Variants in RBMS3 observed in about 807,000 individuals in gnomAD.
The protein encoded by RBMS3 is RNA-binding motif, single-stranded-interacting protein 3.
A neutral mutation model predicts 66.8 loss-of-function variants in RBMS3; 27 were observed. The ratio of observed to expected loss-of-function variants is 0.40; its 90% CI spans 0.30 to 0.56. RBMS3 has a LOEUF of 0.56. RBMS3 is among the 20% of genes least tolerant of loss of function. The probability of loss-of-function intolerance (pLI) is 0.40; values close to 1 mark genes in which losing one functional copy is unlikely to be tolerated. For missense variants in RBMS3, 513 were observed against 549.5 expected, an observed-to-expected ratio of 0.93 and a Z score of 0.66; for synonymous variants, 188 against 183.0, an observed-to-expected ratio of 1.03 and a Z score of -0.22.
chr3:29,771,991 C>T (rs902750578), intron 6 of RBMS3, among the ~76,000 whole-genome samples: 2 of 151,960 alleles, frequency 1.3e-5, no homozygotes, highest in African/African-American at 4.8e-5. Flanking sequence ...CAAATCCAAT[C>T]CATTCCCATT....
chr3:29,864,825 AG>A (rs113476680), intron 6 of RBMS3, among the ~76,000 whole-genome samples: 25,883 of 123,272 alleles, frequency 0.21, 3,307 homozygotes, highest in African/African-American at 0.49. Flanking sequence ...GAAGGAAGGA[AG>A]GGAAGGGAAG....
In RBMS3 at chr3:29,591,044, G is replaced by A. The variant is rs543917963; in HGVS notation, c.399+3839G>A. The stretch of plus-strand genomic sequence containing the variant: ...AGCAATTTGTGCTTACAACTCAAAA[G>A]CCAAAACTGAGTCATATGATTTCCC... On this transcript the variant is annotated intron_variant, in intron 4 of 14. Transcript: ENST00000383767. 3.4e-3 allele frequency among the ~76,000 whole-genome samples: 511 copies of A among 152,252 alleles called. 2 individuals carry two copies. The highest frequency in any genetic ancestry group is 0.011 in the African/African-American group (478 of 41,566).
chr3:29,373,696 G>A (rs2038322952), intron 1 of RBMS3, among the ~76,000 whole-genome samples: 1 of 152,226 alleles, frequency 6.6e-6, no homozygotes, highest in South Asian at 2.1e-4. Context: ...CCTTTGGAAA[G>A]CATCTTGTCA....
intron 2 of RBMS3, among the ~76,000 whole-genome samples, chr3:29,451,980 G>A (rs1318255213): frequency 2.0e-5 from 3 of 151,824 alleles, no homozygotes; most frequent in Non-Finnish European, 4.4e-5. Flanking sequence ...AAGTTGCATA[G>A]TGAGTGTTAT....
At chr3:29,947,044 A>G (rs1387732193) in intron 12 of RBMS3, among the ~76,000 whole-genome samples, 2 of 151,670 alleles carry the variant, frequency 1.3e-5, no homozygotes, top group Non-Finnish European at 3.0e-5. Flanking sequence ...GGAAGAAAAA[A>G]GAAGGCAGTG....
chr3:29,699,977 C>T (rs896957290), intron 4 of RBMS3, among the ~76,000 whole-genome samples: 7 of 152,130 alleles, frequency 4.6e-5, no homozygotes, highest in African/African-American at 1.7e-4. Context: ...TCCTTTAAGA[C>T]TGAACAAAGG....
At chr3:29,734,671 C>G (rs142231871) in intron 4 of RBMS3, among the ~76,000 whole-genome samples, 102 of 152,108 alleles carry the variant, frequency 6.7e-4, no homozygotes, top group African/African-American at 2.3e-3. Context: ...CAGTTCTACT[C>G]AAAGTTTGTT....
intron 2 of RBMS3, among the ~76,000 whole-genome samples, chr3:29,478,510 C>A (rs566042112): frequency 6.6e-6 from 1 of 152,164 alleles, no homozygotes; most frequent in Non-Finnish European, 1.5e-5. Flanking sequence ...CTCCTAACAC[C>A]ATCATATTAG....
intron 1 of RBMS3, among the ~76,000 whole-genome samples, chr3:29,376,057 G>A (rs1019187018): frequency 6.6e-6 from 1 of 152,068 alleles, no homozygotes; most frequent in African/African-American, 2.4e-5. Flanking sequence ...GAATGGAACT[G>A]GAGGCCATTA....
At chr3:29,949,633 G>T (rs1406338801) in intron 12 of RBMS3, among the ~76,000 whole-genome samples, 1 of 151,766 alleles carries the variant, frequency 6.6e-6, no homozygotes, top group Non-Finnish European at 1.5e-5. Flanking sequence ...GAAAATCTGA[G>T]ATGGTAGACA....
At chr3:29,376,160 A>T (rs1328210539) in intron 1 of RBMS3, among the ~76,000 whole-genome samples, 1 of 125,406 alleles carries the variant, frequency 8.0e-6, no homozygotes, top group Non-Finnish European at 1.6e-5. Context: ...TGAACACATG[A>T]TGGGGGAACA....
At chr3:29,798,256 AAAGGGAAGGGAAGGG>A (rs1243557825) in intron 6 of RBMS3, among the ~76,000 whole-genome samples, 4 of 102,072 alleles carry the variant, frequency 3.9e-5, no homozygotes, top group Non-Finnish European at 7.9e-5. Flanking sequence ...GGACAGAAGA[AAAGGGAAGGGAAGGG>A]AAGGGAAGGG....
intron 1 of RBMS3, among the ~76,000 whole-genome samples, chr3:29,284,094 A>G (rs985649056): frequency 2.1e-4 from 32 of 152,148 alleles, no homozygotes; most frequent in African/African-American, 7.7e-4. Flanking sequence ...ATCATTTTAA[A>G]TGAAGTACAT....
chr3:29,345,064 T>C (rs2036497098), intron 1 of RBMS3, among the ~76,000 whole-genome samples: 1 of 152,228 alleles, frequency 6.6e-6, no homozygotes, highest in Admixed American at 6.5e-5. Context: ...ATATTTGTCT[T>C]GTTAAAGACC....
At chr3:29,922,411 C>T (rs1338445479) in intron 10 of RBMS3, among the ~76,000 whole-genome samples, 4 of 150,002 alleles carry the variant, frequency 2.7e-5, no homozygotes, top group Admixed American at 1.3e-4. Context: ...GGCGTGAACC[C>T]GGGAAGCGGA....
intron 4 of RBMS3, among the ~76,000 whole-genome samples, chr3:29,721,154 G>T (rs1223089836): frequency 6.6e-6 from 1 of 152,006 alleles, no homozygotes; most frequent in African/African-American, 2.4e-5. Flanking sequence ...GAATTGTTTT[G>T]GTTATACAAG....
At chr3:29,350,030 C>G (rs533719910) in intron 1 of RBMS3, among the ~76,000 whole-genome samples, 10 of 151,940 alleles carry the variant, frequency 6.6e-5, no homozygotes, top group Non-Finnish European at 1.5e-4. Context: ...CATGGTGGCA[C>G]ATGCCTGTAA....
chr3:29,531,269 T>C (rs1236358071), intron 3 of RBMS3, among the ~76,000 whole-genome samples: 1 of 152,216 alleles, frequency 6.6e-6, no homozygotes, highest in East Asian at 1.9e-4. Context: ...GTGTACTGAA[T>C]CAGAATCTGC....
rs140891030 is a variant in RBMS3, at chr3:29,410,335, A to G, written c.76-24408A>G. Among the ~76,000 whole-genome samples the G allele has an allele frequency of 7.2e-5, 11 of 152,336 alleles. No homozygotes were observed. In the East Asian group the frequency reaches 1.5e-3, roughly 21 times the overall value. ...ATGAAGGCAAGCATGAATCAGCATG[A>G]AAGTATACCCTATATAAGGTTTCTT... On this transcript the variant is annotated intron_variant, in intron 1 of 14. Coordinates refer to ENST00000383767, the MANE Select transcript of RBMS3 (RefSeq NM_001003793.3).
Sources: gnomAD v4.1 joint callset for allele counts (sites outside exome capture counted in the v4.1 genomes callset) on GRCh38, gnomAD v4.1.1 for gene constraint, MANE v1.5 for transcripts, NCBI Gene and HGNC (gene_info 2026-07-23, HGNC 2026-07-21) for gene names.